TMEM132C: variants seen among roughly 807,000 people sequenced by gnomAD.
TMEM132C encodes the protein protein phosphatase 1, regulatory subunit 152.
TMEM132C carries 29 observed loss-of-function variants against 61.4 expected under a neutral mutation model. The observed-to-expected ratio is 0.47, with a 90% confidence interval of 0.35 to 0.64. TMEM132C has a LOEUF of 0.64. TMEM132C is among the 30% of genes least tolerant of loss of function. TMEM132C has a pLI of 0.00. For synonymous variants in TMEM132C, 656 were observed against 633.1 expected (o/e 1.04, Z -0.54); for missense variants, 1,408 against 1,476.9 (o/e 0.95, Z 0.76).
intron 3 of TMEM132C, among the ~76,000 whole-genome samples, chr12:128,572,446 C>T (rs1032250600): frequency 2.0e-5 from 3 of 151,934 alleles, no homozygotes; most frequent in African/African-American, 7.3e-5. Context: ...GGGCCTGGGT[C>T]GCATGACCAC....
rs1353532995 is a variant in TMEM132C, at chr12:128,544,009, C to T, written c.1027C>T (p.Arg343Trp). Residue 343 changes from arginine to tryptophan, a missense_variant, in exon 3 of 9, where the codon CGG (arginine) becomes TGG (tryptophan). By Grantham distance (101) the Arg-to-Trp change is moderately radical. Coordinates refer to ENST00000435159, the MANE Select transcript of TMEM132C (RefSeq NM_001136103.3). ...NILSAQTREP[R>W]QWGVKQEVGS... is the part of the protein sequence containing the mutation. ...CCTGAGTGCTCAGACCCGTGAGCCC[C>T]GGCAGTGGGGCGTCAAGCAGGAGGT... 26 of 1,548,934 alleles carry T rather than the reference C, an allele frequency of 1.7e-5. No individual in the cohort carries two copies. Among genetic ancestry groups the T allele is most frequent in the Admixed American group, 9.9e-5 (5 of 50,600 alleles).
At chr12:128,455,463 G>A (rs1593059615) in intron 2 of TMEM132C, among the ~76,000 whole-genome samples, 1 of 152,196 alleles carries the variant, frequency 6.6e-6, no homozygotes, top group Admixed American at 6.5e-5. Flanking sequence ...AAGATGACAA[G>A]GGAACCAGTA....
intron 2 of TMEM132C, among the ~76,000 whole-genome samples, chr12:128,432,096 G>GA (rs1228090672): frequency 6.6e-6 from 1 of 152,192 alleles, no homozygotes; most frequent in African/African-American, 2.4e-5. Flanking sequence ...CCAGCGCTCA[G>GA]AAAAACTATT....
intron 3 of TMEM132C, among the ~76,000 whole-genome samples, chr12:128,614,519 G>C (rs1233017967): frequency 2.6e-5 from 4 of 152,144 alleles, no homozygotes; most frequent in Non-Finnish European, 1.5e-5. Context: ...GCTGTCTTAG[G>C]CAAGGATCTG....
chr12:128,449,068 C>T (rs1870090076), intron 2 of TMEM132C, among the ~76,000 whole-genome samples: 2 of 132,590 alleles, frequency 1.5e-5, no homozygotes, highest in Admixed American at 9.4e-5. Flanking sequence ...ACCCGGGAGG[C>T]AGAGCTTGCA....
At chr12:128,452,683 G>A (rs1425684639) in intron 2 of TMEM132C, among the ~76,000 whole-genome samples, 4 of 151,510 alleles carry the variant, frequency 2.6e-5, no homozygotes, top group Admixed American at 2.0e-4. Flanking sequence ...CAGCCTGGGC[G>A]ACAGAGTGAG....
chr12:128,420,526 T>C (rs1184100461), intron 2 of TMEM132C, among the ~76,000 whole-genome samples: 3 of 152,208 alleles, frequency 2.0e-5, no homozygotes, highest in African/African-American at 7.2e-5. Flanking sequence ...TGTGAGCCAT[T>C]GTAAAGACTT....
intron 2 of TMEM132C, among the ~76,000 whole-genome samples, chr12:128,436,956 C>T (rs1364421552): frequency 1.3e-5 from 2 of 152,164 alleles, no homozygotes; most frequent in African/African-American, 4.8e-5. Flanking sequence ...CCATGGAATA[C>T]TATGCAGCCA....
At chr12:128,606,744 G>A (rs1876441132) in intron 3 of TMEM132C, among the ~76,000 whole-genome samples, 1 of 152,108 alleles carries the variant, frequency 6.6e-6, no homozygotes, top group Non-Finnish European at 1.5e-5. Context: ...GCCACAGATG[G>A]ACACACCTCT....
chr12:128,552,908 A>T (rs897673915), intron 3 of TMEM132C, among the ~76,000 whole-genome samples: 63 of 151,684 alleles, frequency 4.2e-4, no homozygotes, highest in African/African-American at 1.5e-3. Context: ...ACTCTGTCTC[A>T]AAAACAAACA....
chr12:128,417,693 T>C (rs540532388), intron 2 of TMEM132C, among the ~76,000 whole-genome samples: 3 of 152,196 alleles, frequency 2.0e-5, no homozygotes, highest in Non-Finnish European at 2.9e-5. Context: ...AGGGTGCTCA[T>C]AACAGTGTCT....
intron 3 of TMEM132C, among the ~76,000 whole-genome samples, chr12:128,550,643 A>G (rs535419051): frequency 4.5e-4 from 68 of 152,310 alleles, no homozygotes; most frequent in Non-Finnish European, 8.4e-4. Context: ...CTGTGGGATT[A>G]GAGCCCCCTC....
At chr12:128,481,097 G>A (rs1399048098) in intron 2 of TMEM132C, among the ~76,000 whole-genome samples, 1 of 152,164 alleles carries the variant, frequency 6.6e-6, no homozygotes, top group Non-Finnish European at 1.5e-5. Context: ...CCAGGCCTGT[G>A]TGTGGTCAGT....
intron 2 of TMEM132C, among the ~76,000 whole-genome samples, chr12:128,423,772 A>G (rs979166539): frequency 1.3e-5 from 2 of 152,052 alleles, no homozygotes; most frequent in East Asian, 1.9e-4. Context: ...GGTGGCTCAC[A>G]CCTGTAATCC....
intron 1 of TMEM132C, among the ~76,000 whole-genome samples, chr12:128,305,607 G>T (rs553508028): frequency 6.6e-6 from 1 of 151,880 alleles, no homozygotes; most frequent in Non-Finnish European, 1.5e-5. Context: ...TAAACAGTGG[G>T]CATTAGATGA....
chr12:128,507,532 G>A (rs904592118), intron 2 of TMEM132C, among the ~76,000 whole-genome samples: 7 of 151,624 alleles, frequency 4.6e-5, no homozygotes, highest in Admixed American at 2.6e-4. Context: ...TGCCTTGTAG[G>A]AAAAGCTCCA....
At chr12:128,492,918 C>T (rs1269082475) in intron 2 of TMEM132C, among the ~76,000 whole-genome samples, 1 of 152,136 alleles carries the variant, frequency 6.6e-6, no homozygotes, top group African/African-American at 2.4e-5. Flanking sequence ...TCATGAAGTC[C>T]TTGCCTATGC....
intron 8 of TMEM132C, among the ~76,000 whole-genome samples, chr12:128,699,627 G>A (rs543254105): frequency 9.2e-5 from 14 of 152,184 alleles, no homozygotes; most frequent in Non-Finnish European, 1.3e-4. Flanking sequence ...TAGAGAAATC[G>A]CTCAGCTTTT....
chr12:128,474,234 C>G (rs11836683), intron 2 of TMEM132C, among the ~76,000 whole-genome samples: 8,747 of 152,210 alleles, frequency 0.057, 846 homozygotes, highest in African/African-American at 0.2. Context: ...TAAGAAATCC[C>G]TGGTGATGCA....
Sources: gnomAD v4.1 joint callset for allele counts (sites outside exome capture counted in the v4.1 genomes callset) on GRCh38, gnomAD v4.1.1 for gene constraint, MANE v1.5 for transcripts, NCBI Gene and HGNC (gene_info 2026-07-23, HGNC 2026-07-21) for gene names.